The following UBN1 variants were observed in gnomAD, a reference collection of about 807,000 sequenced individuals.
UBN1 encodes ubinuclein-1.
In UBN1, 17 loss-of-function variants were observed where a neutral mutation model predicts 108.5. That is an observed-to-expected ratio of 0.16 (90% CI 0.11 to 0.24). The LOEUF (loss-of-function observed/expected upper bound fraction) is 0.24. Ranked by LOEUF, UBN1 falls within the 10% of genes least tolerant of loss-of-function variation. The probability of loss-of-function intolerance (pLI) is 1.00; values close to 1 mark genes in which losing one functional copy is unlikely to be tolerated. For missense variants in UBN1, 1,595 were observed against 1,394.4 expected (o/e 1.14, Z -2.29); for synonymous variants, 726 against 564.2 (o/e 1.29, Z -4.07).
chr16:4,857,310 C>T (rs1371883630), intron 2 of UBN1, among the ~76,000 whole-genome samples: 1 of 150,500 alleles, frequency 6.6e-6, no homozygotes, highest in African/African-American at 2.5e-5. Flanking sequence ...ATGATTGTGC[C>T]ACTGCACTGC....
rs1387103612 is a variant in UBN1, at chr16:4,877,109, A to G, written c.3263A>G (p.His1088Arg). Reference protein sequence around the residue: ...APGSFHHGLGHSLLAGLHSSP... With the variant: ...APGSFHHGLGRSLLAGLHSSP... ...GGGTCCTTCCACCATGGCCTTGGCCACAGTAAGTGCTTCTTTGCTGCCTCT... is the reference window on the plus strand; with the variant it reads ...GGGTCCTTCCACCATGGCCTTGGCCGCAGTAAGTGCTTCTTTGCTGCCTCT... Residue 1088 changes from histidine to arginine, a missense_variant and splice_region_variant, in exon 16 of 18, where the codon CAC becomes CGC. By Grantham distance (29) the His-to-Arg change is conservative (BLOSUM62 0). Coordinates refer to ENST00000262376, the MANE Select transcript of UBN1 (RefSeq NM_001079514.3). The surrounding 1 kb of genome is among the most constrained non-coding windows in gnomAD (Gnocchi z 4.3). The G allele has an allele frequency of 8.7e-6, 14 of 1,605,948 alleles. No individual in the cohort carries two copies. Among genetic ancestry groups the G allele is most frequent in the Non-Finnish European group, 8.5e-7 (1 of 1,176,336 alleles).
Position 4,857,774 on chromosome 16 carries a change from T to C in UBN1, c.250-216T>C, listed in dbSNP as rs141847938. ...CAGCCCCTCATGCTGTGGTGGATGA[T>C]TGTAGGCATTCAATCAAGTTTTATT... On this transcript the variant is annotated intron_variant, in intron 2 of 17. Coordinates refer to ENST00000262376, the MANE Select transcript of UBN1 (RefSeq NM_001079514.3). Among the ~76,000 whole-genome samples the C allele has an allele frequency of 4.0e-3, 605 of 152,326 alleles. 2 individuals are homozygous for C. Among genetic ancestry groups the C allele is most frequent in the African/African-American group, 0.014 (576 of 41,576 alleles).
At chr16:4,876,299 C>T (rs913138191) in intron 15 of UBN1, among the ~76,000 whole-genome samples, 1 of 152,092 alleles carries the variant, frequency 6.6e-6, no homozygotes, top group Non-Finnish European at 1.5e-5. Flanking sequence ...AAAGACAAAA[C>T]CATAGAAAGG....
rs947594904 is a variant in UBN1, at chr16:4,872,194, C to G, written c.1707-690C>G. On this transcript the variant is annotated intron_variant, in intron 12 of 17. Coordinates refer to ENST00000262376, the MANE Select transcript of UBN1 (RefSeq NM_001079514.3). ...TGCTGTCCTCTCTACGTAGGCTGGACTCATACGAAGAACGTTTTTGTTGAG... is the reference window on the plus strand; with the variant it reads ...TGCTGTCCTCTCTACGTAGGCTGGAGTCATACGAAGAACGTTTTTGTTGAG... 8 of 985,212 alleles carry G rather than the reference C, an allele frequency of 8.1e-6. No individual in the cohort carries two copies. In the African/African-American group the frequency reaches 1.4e-4, roughly 17 times the overall value. The allele number at this position is 985,212 out of a possible 1,614,324, so 61.0% of individuals were successfully genotyped here.
Position 4,880,133 on chromosome 16 carries a change from C to T in UBN1, c.*1C>T, listed in dbSNP as rs780228307. On this transcript the variant is annotated 3_prime_UTR_variant, in exon 18 of 18. Transcript: ENST00000262376. ...GCCTGCTGTACCACGGAAATTGTGA[C>T]CGCTTCAGAGGCAAGGCTTGCCACT... The T allele has an allele frequency of 9.9e-6, 16 of 1,614,040 alleles. No individual in the cohort carries two copies. The highest frequency in any genetic ancestry group is 1.3e-5 in the Non-Finnish European group (15 of 1,179,996).
intron 2 of UBN1, among the ~76,000 whole-genome samples, chr16:4,854,413 G>T (rs2086699792): frequency 6.6e-6 from 1 of 150,668 alleles, no homozygotes; most frequent in Non-Finnish European, 1.5e-5. Context: ...ATGCAATCTT[G>T]GCTCACTGCA....
At chr16:4,874,089 C>T (rs1366128971) in intron 14 of UBN1, 122 bp from the exon 15 acceptor site, 4 of 1,260,226 alleles carry the variant, frequency 3.2e-6, no homozygotes, top group Non-Finnish European at 4.3e-6. Flanking sequence ...CACCACTTGT[C>T]TTGTAATTAT....
intron 7 of UBN1, among the ~76,000 whole-genome samples, chr16:4,864,855 TAAC>T (rs2087247629): frequency 6.7e-6 from 1 of 150,042 alleles, no homozygotes; most frequent in Non-Finnish European, 1.5e-5. Context: ...CCAAAGAGAA[TAAC>T]GTAGGGGGAA....
At position 4,859,182 on chromosome 16, in the gene UBN1, A is replaced by C. The variant is rs552249468; in HGVS notation, c.567+23A>C. On this transcript the variant is annotated intron_variant, in intron 5 of 17. Transcript: ENST00000262376. ...AAGGTTAGAATGTGCTTGCTTTTGG[A>C]TTTCAGAAATGCTTTTTGACGTGAC... 8.7e-6 allele frequency: 14 copies of C among 1,606,632 alleles called. No individual in the cohort carries two copies. The South Asian group carries it at 1.4e-4, about 17-fold the overall frequency.
At chr16:4,862,095 C>T (rs199938800) in intron 7 of UBN1, among the ~76,000 whole-genome samples, 2 of 152,316 alleles carry the variant, frequency 1.3e-5, no homozygotes, top group East Asian at 3.9e-4. Context: ...TATCATTTAC[C>T]TTTAAGTTAA....
At chr16:4,868,024 T>A (rs558230444) in intron 7 of UBN1, among the ~76,000 whole-genome samples, 80 of 152,336 alleles carry the variant, frequency 5.3e-4, no homozygotes, top group African/African-American at 1.9e-3. Context: ...TGTGCATTCC[T>A]GAATCTCCTT....
rs1029884783 is a variant in UBN1 at position 4,847,707 on chromosome 16, C to T, written c.-543C>T. The T allele has an allele frequency of 2.3e-5, 4 of 172,050 alleles. No homozygotes were observed. Among genetic ancestry groups the T allele is most frequent in the Admixed American group, 1.9e-4 (3 of 15,428 alleles). 10.7% of individuals were successfully genotyped at this position (172,050 alleles called of 1,614,324 possible). A position where few individuals can be genotyped will look rare whatever the true frequency, so the allele number is the denominator to read the frequency against. On this transcript the variant is annotated 5_prime_UTR_variant, in exon 1 of 18. Transcript: ENST00000262376. ...CCGAGCCCGAGGCGCTGGTCGGCCC[C>T]GTCGCAGCGCCAGTGAGCTACCCTG...
At chr16:4,869,605 G>A (rs1329139589) in intron 8 of UBN1, among the ~76,000 whole-genome samples, 2 of 152,214 alleles carry the variant, frequency 1.3e-5, no homozygotes, top group African/African-American at 4.8e-5. Context: ...ACATGGCCTC[G>A]CCTGGCCGGG....
At position 4,859,163 on chromosome 16, in the gene UBN1, A is replaced by C. The variant is rs532374916; in HGVS notation, c.567+4A>C. ...AAAGAAGAAAAAATCTCCAAAGGTT[A>C]GAATGTGCTTGCTTTTGGATTTCAG... On this transcript the variant is annotated splice_donor_region_variant and intron_variant, in intron 5 of 17. Transcript: ENST00000262376. 6.2e-7 allele frequency: 1 copy of C among 1,611,186 alleles called. No homozygotes were observed. Among genetic ancestry groups the C allele is most frequent in the African/African-American group, 1.3e-5 (1 of 74,740 alleles).
At chr16:4,851,302 A>C (rs1456767616) in intron 1 of UBN1, among the ~76,000 whole-genome samples, 1 of 152,172 alleles carries the variant, frequency 6.6e-6, no homozygotes, top group Non-Finnish European at 1.5e-5. Context: ...ACGTCCCTAC[A>C]AAAAATACAA....
intron 6 of UBN1, 42 bp downstream of exon 6, chr16:4,860,010 G>C (rs1408245203): frequency 6.2e-7 from 1 of 1,610,938 alleles, no homozygotes; most frequent in Non-Finnish European, 8.5e-7. Flanking sequence ...AGCCTGAACT[G>C]TTAGGGCAGG....
chr16:4,871,494 A>T (rs527370470), intron 12 of UBN1, among the ~76,000 whole-genome samples, 193 bp downstream of exon 12: 16 of 150,842 alleles, frequency 1.1e-4, no homozygotes, highest in Non-Finnish European at 1.9e-4. Context: ...GGAGGAAGGG[A>T]AGTTGCCTCC....
At position 4,848,119 on chromosome 16, in the gene UBN1, C is replaced by G. The variant is rs2219271; in HGVS notation, c.-131C>G. 83,609 of 151,966 alleles carry G rather than the reference C, an allele frequency of 0.55. 24,210 individuals carry two copies. Among genetic ancestry groups the G allele is most frequent in the African/African-American group, 0.73 (30,196 of 41,494 alleles). The allele number at this position is 151,966 out of a possible 1,614,324, so 9.4% of individuals were successfully genotyped here. Reference sequence around the variant, plus strand: ...CCGCCCGCTGGGAGCCACGGCTTAGCAGCCGACCGCTAGCTGCGCCGCCGC... The same window carrying G: ...CCGCCCGCTGGGAGCCACGGCTTAGGAGCCGACCGCTAGCTGCGCCGCCGC... On this transcript the variant is annotated 5_prime_UTR_variant, in exon 1 of 18. Transcript: ENST00000262376.
intron 7 of UBN1, among the ~76,000 whole-genome samples, chr16:4,867,154 G>T (rs2087373990): frequency 6.6e-6 from 1 of 152,218 alleles, no homozygotes; most frequent in Non-Finnish European, 1.5e-5. Flanking sequence ...GCTGCTGAAG[G>T]GTTCTGAAGA....
Sources: gnomAD v4.1 joint callset for allele counts (sites outside exome capture counted in the v4.1 genomes callset) on GRCh38, gnomAD v4.1.1 for gene constraint, Gnocchi (gnomAD v3.1) non-coding constraint, MANE v1.5 for transcripts, NCBI Gene and HGNC (gene_info 2026-07-23, HGNC 2026-07-21) for gene names.